PALM2AKAP2: variants seen among roughly 807,000 people sequenced by gnomAD.
PALM2AKAP2 encodes PALM2-AKAP2 fusion protein.
A neutral mutation model predicts 71.5 loss-of-function variants in PALM2AKAP2; 37 were observed. That is an observed-to-expected ratio of 0.52 (90% confidence interval 0.40 to 0.68). PALM2AKAP2 has a LOEUF of 0.68. PALM2AKAP2 is among the 30% of genes least tolerant of loss of function. PALM2AKAP2 has a pLI of 0.00. For missense variants in PALM2AKAP2, 1,224 were observed against 1,191.8 expected, an observed-to-expected ratio of 1.03 and a Z score of -0.40; for synonymous variants, 468 against 478.8, an observed-to-expected ratio of 0.98 and a Z score of 0.29.
chr9:109,920,249 C>T lies in PALM2AKAP2; in HGVS notation c.258-3486C>T, dbSNP rs189512605. 3.0e-4 allele frequency among the ~76,000 whole-genome samples: 46 copies of T among 152,300 alleles called. 1 individual carries two copies. Among genetic ancestry groups the T allele is most frequent in the Admixed American group, 1.5e-3 (23 of 15,306 alleles). On this transcript the variant is annotated intron_variant, in intron 3 of 9. Coordinates refer to the PALM2AKAP2 transcript ENST00000302798. ...GTGCCAAGGGACTGGGAAGTGTAAC[C>T]CATCTACCATAAGCCTAGAGCAAAT...
intron 6 of PALM2AKAP2, among the ~76,000 whole-genome samples, chr9:109,961,046 A>G (rs1831842647): frequency 6.6e-6 from 1 of 152,248 alleles, no homozygotes; most frequent in Non-Finnish European, 1.5e-5. Context: ...TTCAGGTTGC[A>G]TACTGCACAA....
At chr9:110,054,230 T>C (rs1016367666) in intron 1 of PALM2AKAP2, among the ~76,000 whole-genome samples, 4 of 152,158 alleles carry the variant, frequency 2.6e-5, no homozygotes, top group African/African-American at 9.7e-5. Context: ...AGAAACCCGG[T>C]CTCTACTAAA....
chr9:109,868,569 A>G (rs535759238), intron 2 of PALM2AKAP2, among the ~76,000 whole-genome samples: 2 of 152,252 alleles, frequency 1.3e-5, no homozygotes, highest in South Asian at 4.2e-4. Flanking sequence ...CTTTATGGCT[A>G]CTTTTCCTGT....
At chr9:110,014,480 A>G (rs1588058880) in intron 6 of PALM2AKAP2, among the ~76,000 whole-genome samples, 1 of 152,098 alleles carries the variant, frequency 6.6e-6, no homozygotes, top group African/African-American at 2.4e-5. Context: ...TTTTAAAAAT[A>G]TACACTTGCC....
intron 3 of PALM2AKAP2, among the ~76,000 whole-genome samples, chr9:109,888,031 G>GCCC (rs906509126): frequency 6.6e-6 from 1 of 152,272 alleles, no homozygotes; most frequent in South Asian, 2.1e-4. Context: ...TGGTGAGACT[G>GCCC]CCCCCTTCAG....
intron 1 of PALM2AKAP2, among the ~76,000 whole-genome samples, chr9:110,050,753 G>A (rs1475091641): frequency 6.6e-6 from 1 of 151,868 alleles, no homozygotes; most frequent in African/African-American, 2.4e-5. Context: ...TCAGCCTCCC[G>A]AATACCTGGG....
At chr9:110,083,583 T>G (rs950496287) in intron 1 of PALM2AKAP2, among the ~76,000 whole-genome samples, 2 of 151,480 alleles carry the variant, frequency 1.3e-5, no homozygotes, top group African/African-American at 4.9e-5. Context: ...GTTTGGTTTG[T>G]TTTTTTTCCT....
At chr9:109,823,231 C>T (rs535645456) in intron 1 of PALM2AKAP2, among the ~76,000 whole-genome samples, 1 of 152,204 alleles carries the variant, frequency 6.6e-6, no homozygotes, top group East Asian at 1.9e-4. Flanking sequence ...CAGACACATG[C>T]CCAAATCCCT....
At chr9:110,018,928 C>T (rs1441291989) in intron 7 of PALM2AKAP2, among the ~76,000 whole-genome samples, 2 of 151,804 alleles carry the variant, frequency 1.3e-5, no homozygotes, top group Non-Finnish European at 2.9e-5. Flanking sequence ...CAGAGAAATG[C>T]AAATTAAAAC....
chr9:109,788,992 G>A (rs552084407), intron 1 of PALM2AKAP2, among the ~76,000 whole-genome samples: 2 of 152,156 alleles, frequency 1.3e-5, no homozygotes, highest in Non-Finnish European at 2.9e-5. Flanking sequence ...TGCTTATCTC[G>A]GGAACTTGCT....
chr9:109,907,224 G>A (rs534054104), intron 3 of PALM2AKAP2, among the ~76,000 whole-genome samples: 1 of 152,300 alleles, frequency 6.6e-6, no homozygotes, highest in South Asian at 2.1e-4. Flanking sequence ...GCACTGCATT[G>A]TAACTATTCA....
At chr9:109,794,242 A>ATGTTGT (rs920580679) in intron 1 of PALM2AKAP2, among the ~76,000 whole-genome samples, 3 of 151,900 alleles carry the variant, frequency 2.0e-5, no homozygotes, top group East Asian at 1.9e-4. Flanking sequence ...AGCCAACTGC[A>ATGTTGT]TGTTGTTGTT....
chr9:109,906,518 T>G (rs1044144358), intron 3 of PALM2AKAP2, among the ~76,000 whole-genome samples: 1 of 152,184 alleles, frequency 6.6e-6, no homozygotes, highest in Non-Finnish European at 1.5e-5. Flanking sequence ...CACTTTAATA[T>G]TGCCAACTTT....
rs193278613 is a variant in PALM2AKAP2 at position 110,092,311 on chromosome 9, G to A, written c.156+43456G>A. ...TGTGCCACCGCATTCCAGTCTGAGT[G>A]ACAGAGTGAGACTCCGCCTCAAAAA... On this transcript the variant is annotated intron_variant, in intron 1 of 3. Coordinates refer to ENST00000374525, the Ensembl canonical transcript of PALM2AKAP2. Among the ~76,000 whole-genome samples the A allele has an allele frequency of 2.5e-3, 375 of 152,230 alleles. 2 individuals carry two copies. Among genetic ancestry groups the A allele is most frequent in the Admixed American group, 3.6e-3 (55 of 15,292 alleles).
chr9:109,906,731 A>G (rs751038728), intron 3 of PALM2AKAP2, among the ~76,000 whole-genome samples: 1 of 152,136 alleles, frequency 6.6e-6, no homozygotes, highest in Non-Finnish European at 1.5e-5. Context: ...CATACATCCA[A>G]ATCCGTTCTT....
At chr9:109,981,289 C>G (rs1338091606) in intron 6 of PALM2AKAP2, among the ~76,000 whole-genome samples, 1 of 152,114 alleles carries the variant, frequency 6.6e-6, no homozygotes, top group Non-Finnish European at 1.5e-5. Context: ...TGCAGTCAAC[C>G]AACAAATATT....
chr9:110,068,692 T>A (rs2118567446), intron 1 of PALM2AKAP2, among the ~76,000 whole-genome samples: 1 of 152,142 alleles, frequency 6.6e-6, no homozygotes, highest in East Asian at 1.9e-4. Context: ...CCACCATGCC[T>A]GGCTAATTTT....
chr9:109,699,780 T>TTA (rs200702691), intron 1 of PALM2AKAP2, among the ~76,000 whole-genome samples: 76 of 111,678 alleles, frequency 6.8e-4, no homozygotes, highest in South Asian at 1.3e-3. Context: ...CTTTATTTAT[T>TTA]TTTTTTTTTT....
chr9:109,908,696 A>G (rs1186418672), intron 3 of PALM2AKAP2, among the ~76,000 whole-genome samples: 4 of 152,202 alleles, frequency 2.6e-5, no homozygotes, highest in African/African-American at 9.6e-5. Context: ...TCTTGAAAAC[A>G]CTACCAGTCT....
Sources: allele counts gnomAD v4.1 joint callset (sites outside exome capture counted in the v4.1 genomes callset), GRCh38; gene constraint gnomAD v4.1.1; transcripts MANE v1.5; gene names NCBI Gene and HGNC (gene_info 2026-07-23, HGNC 2026-07-21).